Variants in PTPRT observed in about 807,000 individuals in gnomAD.
PTPRT encodes the protein protein tyrosine phosphatase receptor type T, also known as receptor-type tyrosine-protein phosphatase T.
A neutral mutation model predicts 176.8 loss-of-function variants in PTPRT; 56 were observed. The ratio of observed to expected loss-of-function variants is 0.32; its 90% CI spans 0.26 to 0.40. The LOEUF is 0.40. Among genes scored for constraint, PTPRT ranks in the 10% least tolerant of loss-of-function variants. The probability of loss-of-function intolerance (pLI) is 1.00; values close to 1 mark genes in which losing one functional copy is unlikely to be tolerated. For missense variants in PTPRT, 1,540 were observed against 1,908.2 expected (o/e 0.81, Z 3.60); for synonymous variants, 783 against 739.0 (o/e 1.06, Z -0.96).
intron 9 of PTPRT, among the ~76,000 whole-genome samples, chr20:42,357,848 A>T: frequency 6.6e-6 from 1 of 152,184 alleles, no homozygotes; most frequent in East Asian, 1.9e-4. Context: ...CTGGAGGTCG[A>T]GGCTGCAGTG....
chr20:42,790,136 C>A (rs1569158539), intron 3 of PTPRT, among the ~76,000 whole-genome samples: 1 of 151,298 alleles, frequency 6.6e-6, no homozygotes, highest in Non-Finnish European at 1.5e-5. Flanking sequence ...GATGGTTGCA[C>A]AATTCAATAG....
intron 1 of PTPRT, among the ~76,000 whole-genome samples, chr20:43,118,101 A>C (rs2013123621): frequency 6.6e-6 from 1 of 152,202 alleles, no homozygotes; most frequent in Non-Finnish European, 1.5e-5. Context: ...GACATATAAT[A>C]AACATTTTCA....
chr20:42,174,068 G>A (rs1366433138), intron 16 of PTPRT, among the ~76,000 whole-genome samples: 2 of 152,124 alleles, frequency 1.3e-5, no homozygotes, highest in Non-Finnish European at 2.9e-5. Context: ...AGAGAATGAA[G>A]TATATTAAAG....
intron 18 of PTPRT, among the ~76,000 whole-genome samples, chr20:42,132,278 C>T (rs1988157703): frequency 6.6e-6 from 1 of 152,162 alleles, no homozygotes; most frequent in Non-Finnish European, 1.5e-5. Flanking sequence ...ATTGATCTCT[C>T]TTAGCTTTGG....
chr20:42,704,165 T>C (rs1214312573), intron 6 of PTPRT, among the ~76,000 whole-genome samples: 1 of 152,182 alleles, frequency 6.6e-6, no homozygotes, highest in East Asian at 1.9e-4. Flanking sequence ...CTTGCTCTAC[T>C]ATTATCCCCT....
intron 7 of PTPRT, among the ~76,000 whole-genome samples, chr20:42,547,215 C>G (rs1055343124): frequency 6.6e-6 from 1 of 152,034 alleles, no homozygotes; most frequent in Non-Finnish European, 1.5e-5. Context: ...TAGCAAAAAT[C>G]TTGTAAAAAT....
downstream of PTPRT, chr20:42,072,719 C>T (rs948618181): frequency 1.2e-4 from 23 of 196,438 alleles, no homozygotes; most frequent in African/African-American, 5.3e-4. Context: ...CCCACCTCAT[C>T]CCTACCCAAC....
chr20:42,610,111 G>A (rs553571516), intron 7 of PTPRT, among the ~76,000 whole-genome samples: 19 of 152,244 alleles, frequency 1.2e-4, no homozygotes, highest in African/African-American at 2.2e-4. Context: ...TTTTTTCAGC[G>A]ACTATTTTGC....
intron 1 of PTPRT, among the ~76,000 whole-genome samples, chr20:42,961,414 G>A (rs149535194): frequency 4.3e-4 from 66 of 152,290 alleles, no homozygotes; most frequent in African/African-American, 1.4e-3. Context: ...GCACAATTGC[G>A]TGCTGGTTCA....
chr20:43,127,901 G>A (rs2013505503), intron 1 of PTPRT, among the ~76,000 whole-genome samples: 1 of 152,200 alleles, frequency 6.6e-6, no homozygotes, highest in African/African-American at 2.4e-5. Context: ...TGGTTTTGAT[G>A]CATGGCATTT....
chr20:42,659,645 C>T (rs1050371505), intron 7 of PTPRT, among the ~76,000 whole-genome samples: 11 of 152,268 alleles, frequency 7.2e-5, no homozygotes, highest in Admixed American at 1.3e-4. Context: ...AAAGTCAAAT[C>T]CATGTACCAA....
intron 2 of PTPRT, among the ~76,000 whole-genome samples, chr20:42,836,246 C>T (rs1156993221): frequency 6.6e-6 from 1 of 152,132 alleles, no homozygotes; most frequent in East Asian, 1.9e-4. Context: ...CATGTTCCCA[C>T]CCCAGACCCT....
intron 1 of PTPRT, among the ~76,000 whole-genome samples, chr20:43,129,623 T>C (rs1026906118): frequency 1.5e-5 from 2 of 137,774 alleles, no homozygotes. Flanking sequence ...CTTTTTTTTT[T>C]TTTTTTTTTT....
chr20:42,419,991 G>A (rs1005326736), intron 9 of PTPRT, among the ~76,000 whole-genome samples: 2 of 152,106 alleles, frequency 1.3e-5, no homozygotes, highest in Non-Finnish European at 2.9e-5. Flanking sequence ...AAAAGCCACG[G>A]CACAGGTTTT....
chr20:42,065,158 T>A, the PTPRT span, among the ~76,000 whole-genome samples: 2 of 152,204 alleles, frequency 1.3e-5, no homozygotes, highest in African/African-American at 4.8e-5. Context: ...TGAAAGACCC[T>A]TCTCAAGAGC....
intron 1 of PTPRT, among the ~76,000 whole-genome samples, chr20:42,953,916 A>G (rs1042212416): frequency 1.3e-5 from 2 of 152,162 alleles, no homozygotes; most frequent in African/African-American, 2.4e-5. Context: ...ACAAGCAAAA[A>G]TATCCCCAGA....
rs529125129 is a variant in PTPRT at position 42,152,586 on chromosome 20, C to A, written c.2682+8766G>T. On this transcript the variant is annotated intron_variant, in intron 17 of 30. Transcript: ENST00000373187. ...CTTTAGGTGACAAATTCCCTGCCTTCAAGAAGTCTATAGCTTAATGGGAAA... is the reference window on the plus strand; with the variant it reads ...CTTTAGGTGACAAATTCCCTGCCTTAAAGAAGTCTATAGCTTAATGGGAAA... 1.2e-4 allele frequency among the ~76,000 whole-genome samples: 19 copies of A among 152,332 alleles called. No homozygotes were observed. In the South Asian group the frequency reaches 3.1e-3, roughly 25 times the overall value.
chr20:42,864,359 G>C (rs1166290722), intron 2 of PTPRT, among the ~76,000 whole-genome samples: 2 of 152,120 alleles, frequency 1.3e-5, no homozygotes, highest in Non-Finnish European at 2.9e-5. Flanking sequence ...GGAGAGAGGA[G>C]AGGGATGGCA....
At chr20:42,714,025 C>T (rs532194942) in intron 6 of PTPRT, among the ~76,000 whole-genome samples, 64 of 152,238 alleles carry the variant, frequency 4.2e-4, no homozygotes, top group Middle Eastern at 3.4e-3. Flanking sequence ...TTTATAGCAA[C>T]GCAAGAATGG....
Sources: gnomAD v4.1 joint callset for allele counts (sites outside exome capture counted in the v4.1 genomes callset) on GRCh38, gnomAD v4.1.1 for gene constraint, MANE v1.5 for transcripts, NCBI Gene and HGNC (gene_info 2026-07-23, HGNC 2026-07-21) for gene names.